Variants in CIST1 observed in about 807,000 individuals in gnomAD.
CIST1 encodes colon, intestine and stomach enriched 1.
chr19:18,254,749 C>A, the CIST1 span, among the ~76,000 whole-genome samples: 1 of 152,094 alleles, frequency 6.6e-6, no homozygotes, highest in East Asian at 1.9e-4. Context: ...CAAGGCTCCT[C>A]CCCTCCACCC....
the CIST1 span, chr19:18,252,147 G>A: frequency 1.0e-5 from 4 of 399,376 alleles, no homozygotes; most frequent in Non-Finnish European, 1.8e-5. Flanking sequence ...CCAGTGCGGG[G>A]TCAGGGATTC....
At chr19:18,254,002 C>T in the CIST1 span, among the ~76,000 whole-genome samples, 2 of 152,212 alleles carry the variant, frequency 1.3e-5, no homozygotes, top group Non-Finnish European at 2.9e-5. Flanking sequence ...AAATAACACA[C>T]AACACTGGCC....
At chr19:18,253,935 G>T in the CIST1 span, among the ~76,000 whole-genome samples, 1 of 152,166 alleles carries the variant, frequency 6.6e-6, no homozygotes, top group South Asian at 2.1e-4. Flanking sequence ...CATGCACTCT[G>T]CTCTGGGCCA....
At chr19:18,250,138 G>A in the CIST1 span, 2 of 398,712 alleles carry the variant, frequency 5.0e-6, no homozygotes, top group Non-Finnish European at 8.8e-6. Flanking sequence ...GCTCACTCCT[G>A]GAGGTGGTGG....
At chr19:18,252,251 G>C in the CIST1 span, 1 of 399,156 alleles carries the variant, frequency 2.5e-6, no homozygotes, top group Non-Finnish European at 4.4e-6. Flanking sequence ...GTGGGGAGGA[G>C]GGTATCATCC....
chr19:18,252,154 A>T, the CIST1 span: 1 of 399,074 alleles, frequency 2.5e-6, no homozygotes, highest in Non-Finnish European at 4.4e-6. Context: ...GGGGTCAGGG[A>T]TTCGGAACTG....
the CIST1 span, among the ~76,000 whole-genome samples, chr19:18,253,190 T>C: frequency 2.0e-5 from 3 of 152,234 alleles, no homozygotes; most frequent in African/African-American, 7.2e-5. Context: ...TTCTGTAAAA[T>C]GGAGTTCATG....
chr19:18,253,106 T>C, the CIST1 span, among the ~76,000 whole-genome samples: 3 of 152,182 alleles, frequency 2.0e-5, no homozygotes, highest in South Asian at 6.2e-4. Flanking sequence ...TAGAAGCCCT[T>C]TGGATATGGG....
At chr19:18,253,319 G>A in the CIST1 span, among the ~76,000 whole-genome samples, 1 of 152,104 alleles carries the variant, frequency 6.6e-6, no homozygotes, top group African/African-American at 2.4e-5. Flanking sequence ...GGAATTCAAG[G>A]CTGTAGTGCG....
the CIST1 span, among the ~76,000 whole-genome samples, chr19:18,253,582 A>G: frequency 6.6e-6 from 1 of 151,154 alleles, no homozygotes; most frequent in African/African-American, 2.4e-5. Flanking sequence ...ACACAATAGA[A>G]TAGAAACACA....
the CIST1 span, among the ~76,000 whole-genome samples, chr19:18,253,614 A>G: frequency 6.6e-6 from 1 of 151,962 alleles, no homozygotes; most frequent in Admixed American, 6.6e-5. Flanking sequence ...GTGACACTCA[A>G]CTATAAAGAT....
At chr19:18,251,356 C>A in the CIST1 span, among the ~76,000 whole-genome samples, 1 of 146,370 alleles carries the variant, frequency 6.8e-6, no homozygotes. Context: ...GAACTCCTGA[C>A]CTCAGGTGAT....
At chr19:18,250,349 T>C in the CIST1 span, 1 of 399,152 alleles carries the variant, frequency 2.5e-6, no homozygotes, top group Non-Finnish European at 4.4e-6. Flanking sequence ...CTTGGACTCA[T>C]TCCGGTGACA....
chr19:18,250,384 C>A, the CIST1 span: 1 of 399,008 alleles, frequency 2.5e-6, no homozygotes. Flanking sequence ...TGACCACAGA[C>A]CCGATGAGCA....
chr19:18,250,734 G>A, the CIST1 span, among the ~76,000 whole-genome samples: 1 of 151,276 alleles, frequency 6.6e-6, no homozygotes. Flanking sequence ...AGCCTCCCAA[G>A]TAGCTAGGAT....
the CIST1 span, among the ~76,000 whole-genome samples, chr19:18,254,746 C>G: frequency 6.6e-6 from 1 of 152,054 alleles, no homozygotes; most frequent in Non-Finnish European, 1.5e-5. Context: ...GCTCAAGGCT[C>G]CTCCCCTCCA....
the CIST1 span, among the ~76,000 whole-genome samples, chr19:18,254,067 C>T: frequency 6.6e-6 from 1 of 152,212 alleles, no homozygotes; most frequent in Non-Finnish European, 1.5e-5. Flanking sequence ...TGTAGCCCCC[C>T]AGGCCCTGTG....
At chr19:18,250,592 G>A in the CIST1 span, 4 of 396,754 alleles carry the variant, frequency 1.0e-5, no homozygotes, top group Non-Finnish European at 1.8e-5. Context: ...TCCCTCTCCA[G>A]TTGAGGCTGC....
the CIST1 span, chr19:18,255,418 G>A: frequency 5.0e-6 from 2 of 396,992 alleles, no homozygotes; most frequent in African/African-American, 4.1e-5. The surrounding 1 kb of genome is among the most constrained non-coding windows in gnomAD (Gnocchi z 4.6). Context: ...CGGAGCGCGG[G>A]GCTGTGCAGG....
Sources: gnomAD v4.1 joint callset for allele counts (sites outside exome capture counted in the v4.1 genomes callset) on GRCh38, gnomAD v4.1.1 for gene constraint, Gnocchi (gnomAD v3.1) non-coding constraint, MANE v1.5 for transcripts, NCBI Gene and HGNC (gene_info 2026-07-23, HGNC 2026-07-21) for gene names.